SGCZ: variants seen among roughly 807,000 people sequenced by gnomAD.
The protein encoded by SGCZ is sarcoglycan zeta.
Under a neutral mutation model 41.3 loss-of-function variants are expected in SGCZ, and 40 were observed. That is an observed-to-expected ratio of 0.97 (90% CI 0.75 to 1.26). SGCZ has a LOEUF of 1.26. Among genes scored for constraint, SGCZ ranks in the 50% most tolerant of loss-of-function variants. SGCZ has a pLI of 0.00. For synonymous variants in SGCZ, 206 were observed against 137.5 expected (o/e 1.50, Z -3.49); for missense variants, 552 against 369.8 (o/e 1.49, Z -4.04).
chr8:14,385,027 T>C (rs530398312), intron 2 of SGCZ, among the ~76,000 whole-genome samples: 1 of 152,304 alleles, frequency 6.6e-6, no homozygotes, highest in South Asian at 2.1e-4. Flanking sequence ...ATATATCCCA[T>C]AGTTTTCATG....
At position 14,177,379 on chromosome 8, in the gene SGCZ, C is replaced by T. The variant is rs543216351; in HGVS notation, c.425-12677G>A. 3.0e-3 allele frequency among the ~76,000 whole-genome samples: 462 copies of T among 152,274 alleles called. 1 individual carries two copies. Among genetic ancestry groups the T allele is most frequent in the Non-Finnish European group, 4.7e-3 (317 of 68,020 alleles). The stretch of plus-strand genomic sequence containing the variant: ...ACTCCAGATTGTTACATATTACGGC[C>T]CTTTCTTGTGAACATAATTTAACTG... On this transcript the variant is annotated intron_variant, in intron 4 of 7. Transcript: ENST00000382080.
intron 4 of SGCZ, among the ~76,000 whole-genome samples, chr8:14,217,515 G>T (rs372625512): frequency 2.5e-4 from 37 of 150,228 alleles, no homozygotes; most frequent in African/African-American, 8.3e-4. Flanking sequence ...CACTTCCCGT[G>T]AATCAATAAT....
At chr8:14,631,084 T>C (rs1317951880) in intron 1 of SGCZ, among the ~76,000 whole-genome samples, 2 of 151,990 alleles carry the variant, frequency 1.3e-5, no homozygotes, top group African/African-American at 2.4e-5. Flanking sequence ...CCATGCCCCA[T>C]TGGCTTGCTT....
chr8:14,260,463 A>T (rs1486209492), intron 3 of SGCZ, among the ~76,000 whole-genome samples: 2 of 146,096 alleles, frequency 1.4e-5, no homozygotes, highest in African/African-American at 5.0e-5. Context: ...GCTGGAGAGG[A>T]TGTGGAGAAA....
chr8:14,369,518 A>G (rs576697413), intron 2 of SGCZ, among the ~76,000 whole-genome samples: 1 of 152,098 alleles, frequency 6.6e-6, no homozygotes, highest in South Asian at 2.1e-4. Flanking sequence ...TTTCATTCGT[A>G]GAAGGCAGCA....
At position 14,423,656 on chromosome 8, in the gene SGCZ, C is replaced by T. The variant is rs965383220; in HGVS notation, c.235-99452G>A. 3.9e-5 allele frequency among the ~76,000 whole-genome samples: 6 copies of T among 152,128 alleles called. No individual in the cohort carries two copies. The East Asian group carries it at 9.7e-4, about 24-fold the overall frequency. ...CGCGAACTCCTGACTTCAGGTGATCCGCCTGCCTTGGCCTCCCAAAGTGCT... is the reference window on the plus strand; with the variant it reads ...CGCGAACTCCTGACTTCAGGTGATCTGCCTGCCTTGGCCTCCCAAAGTGCT... On this transcript the variant is annotated intron_variant, in intron 2 of 7. Transcript: ENST00000382080.
At chr8:14,703,185 C>T (rs1040449906) in intron 1 of SGCZ, among the ~76,000 whole-genome samples, 3 of 151,960 alleles carry the variant, frequency 2.0e-5, no homozygotes, top group African/African-American at 7.2e-5. Flanking sequence ...AATGAAAGCA[C>T]AATTCACAAT....
At chr8:14,768,783 G>A (rs2255788) in intron 1 of SGCZ, among the ~76,000 whole-genome samples, 2 of 151,602 alleles carry the variant, frequency 1.3e-5, no homozygotes, top group South Asian at 4.2e-4. Flanking sequence ...TCAGAAAGCT[G>A]TCATATGAAA....
intron 1 of SGCZ, among the ~76,000 whole-genome samples, chr8:15,101,324 A>T (rs542237944): frequency 6.6e-6 from 1 of 152,200 alleles, no homozygotes; most frequent in African/African-American, 2.4e-5. Context: ...GGGAGAAAAC[A>T]TTTTAAAACT....
Position 14,869,390 on chromosome 8 carries a change from G to A in SGCZ, c.40-314464C>T, listed in dbSNP as rs116271432. 6.2e-3 allele frequency among the ~76,000 whole-genome samples: 949 copies of A among 152,078 alleles called. 6 individuals carry two copies. Among genetic ancestry groups the A allele is most frequent in the African/African-American group, 0.021 (885 of 41,490 alleles). The stretch of plus-strand genomic sequence containing the variant: ...AAATCCTTCGATGAAATTCAACACC[G>A]CTTCATGCTAAAAACTCACAATAAA... On this transcript the variant is annotated intron_variant, in intron 1 of 7. Coordinates refer to ENST00000382080, the MANE Select transcript of SGCZ (RefSeq NM_139167.4).
chr8:14,402,213 G>T (rs561026049), intron 2 of SGCZ, among the ~76,000 whole-genome samples: 1 of 151,226 alleles, frequency 6.6e-6, no homozygotes, highest in Non-Finnish European at 1.5e-5. Context: ...AGTAGGTTGC[G>T]AAAATTTTCT....
At chr8:14,850,373 G>C (rs1293121576) in intron 1 of SGCZ, among the ~76,000 whole-genome samples, 1 of 152,106 alleles carries the variant, frequency 6.6e-6, no homozygotes, top group Admixed American at 6.6e-5. Context: ...TTAGCATACA[G>C]TATTGCATAC....
intron 1 of SGCZ, among the ~76,000 whole-genome samples, chr8:14,722,659 C>G (rs7461133): frequency 0.092 from 13,912 of 151,882 alleles, 1,401 homozygotes; most frequent in African/African-American, 0.25. Context: ...TGAAATTTTA[C>G]ACAGGTTGAC....
intron 3 of SGCZ, chr8:14,309,817 C>T (rs549360390): frequency 2.2e-6 from 3 of 1,382,232 alleles, no homozygotes; most frequent in African/African-American, 1.5e-5. Context: ...TAAGAGAAGT[C>T]TCATTCGCCT....
At chr8:14,255,394 C>T (rs991951510) in intron 3 of SGCZ, among the ~76,000 whole-genome samples, 1 of 152,146 alleles carries the variant, frequency 6.6e-6, no homozygotes, top group Non-Finnish European at 1.5e-5. Flanking sequence ...TCCATTATCT[C>T]CATTGTAAGC....
At chr8:14,682,657 A>C (rs1808486718) in intron 1 of SGCZ, among the ~76,000 whole-genome samples, 1 of 152,056 alleles carries the variant, frequency 6.6e-6, no homozygotes, top group South Asian at 2.1e-4. Context: ...GATGGTCTCG[A>C]TCTCCTGACC....
chr8:14,972,545 T>A (rs1259833901), intron 1 of SGCZ, among the ~76,000 whole-genome samples: 1 of 152,158 alleles, frequency 6.6e-6, no homozygotes, highest in East Asian at 1.9e-4. Flanking sequence ...TATCATCTTG[T>A]TGTTTGTTTT....
chr8:14,401,243 C>T (rs1585457599), intron 2 of SGCZ, among the ~76,000 whole-genome samples: 1 of 151,996 alleles, frequency 6.6e-6, no homozygotes, highest in East Asian at 1.9e-4. Context: ...CAATACTTAA[C>T]TCAAATATAC....
intron 2 of SGCZ, among the ~76,000 whole-genome samples, chr8:14,389,341 A>G (rs1804679166): frequency 1.3e-5 from 2 of 151,840 alleles, no homozygotes; most frequent in African/African-American, 2.4e-5. Flanking sequence ...AGAAATAAAG[A>G]AAAATATAAG....
Sources: gnomAD v4.1 joint callset for allele counts (sites outside exome capture counted in the v4.1 genomes callset) on GRCh38, gnomAD v4.1.1 for gene constraint, MANE v1.5 for transcripts, NCBI Gene and HGNC (gene_info 2026-07-23, HGNC 2026-07-21) for gene names.